Variants in VSTM2B observed in about 807,000 individuals in gnomAD.
VSTM2B encodes the protein V-set and transmembrane domain containing 2B.
In VSTM2B, 24 loss-of-function variants were observed where a neutral mutation model predicts 24.0. That is an observed-to-expected ratio of 1.00 (90% CI 0.72 to 1.40). VSTM2B has a LOEUF of 1.40. Ranked by LOEUF, VSTM2B falls within the 40% of genes most tolerant of loss-of-function variation. The probability of loss-of-function intolerance (pLI) is 0.00; values close to 1 mark genes in which losing one functional copy is unlikely to be tolerated. For missense variants in VSTM2B, 399 were observed against 416.4 expected, an observed-to-expected ratio of 0.96 and a Z score of 0.36; for synonymous variants, 226 against 194.4, an observed-to-expected ratio of 1.16 and a Z score of -1.35.
At chr19:29,529,748 G>A (rs1969683586) in intron 3 of VSTM2B, 71 bp from the exon 4 acceptor site, 3 of 1,444,304 alleles carry the variant, frequency 2.1e-6, no homozygotes, top group Admixed American at 2.2e-5. Flanking sequence ...GAGGGGGCGC[G>A]ACGGCCAGGG....
At chr19:29,527,851 C>A (rs73029454) in intron 2 of VSTM2B, among the ~76,000 whole-genome samples, 6,652 of 152,256 alleles carry the variant, frequency 0.044, 192 homozygotes, top group Middle Eastern at 0.078. Flanking sequence ...CCCTCAGGGG[C>A]ACAGAGGGGC....
intron 4 of VSTM2B, among the ~76,000 whole-genome samples, chr19:29,552,779 A>G (rs565949249): frequency 6.6e-6 from 1 of 152,278 alleles, no homozygotes; most frequent in East Asian, 1.9e-4. Flanking sequence ...CCCTGCCAGT[A>G]CTGGGGAGAC....
chr19:29,549,263 T>G (rs1599897294), intron 4 of VSTM2B, among the ~76,000 whole-genome samples: 1 of 152,256 alleles, frequency 6.6e-6, no homozygotes, highest in East Asian at 1.9e-4. Context: ...GAAGACAGCA[T>G]TTTGTAACCA....
At chr19:29,543,652 G>A (rs1342191829) in intron 4 of VSTM2B, among the ~76,000 whole-genome samples, 1 of 152,232 alleles carries the variant, frequency 6.6e-6, no homozygotes, top group Non-Finnish European at 1.5e-5. Context: ...TCCTTGAGCA[G>A]TCATTAATTG....
chr19:29,561,010 G>A (rs1016275644), intron 4 of VSTM2B, among the ~76,000 whole-genome samples: 4 of 152,182 alleles, frequency 2.6e-5, no homozygotes, highest in East Asian at 3.9e-4. Context: ...ATTTGCAGAA[G>A]CCTAAAGATC....
intron 4 of VSTM2B, among the ~76,000 whole-genome samples, chr19:29,538,441 C>T (rs538903625): frequency 1.3e-5 from 2 of 152,302 alleles, no homozygotes; most frequent in South Asian, 2.1e-4. Flanking sequence ...CATCCAGGAT[C>T]GCTTACTAAG....
intron 3 of VSTM2B, among the ~76,000 whole-genome samples, chr19:29,528,722 C>T (rs1260690259): frequency 1.3e-5 from 2 of 152,232 alleles, no homozygotes; most frequent in African/African-American, 4.8e-5. Context: ...CTGTAAAACT[C>T]CCCTTGGTCG....
chr19:29,563,818 A>T, intron 4 of VSTM2B, 28 bp from the exon 5 acceptor site: 1 of 1,547,056 alleles, frequency 6.5e-7, no homozygotes, highest in East Asian at 2.4e-5. Flanking sequence ...TCAGGTGTTA[A>T]CCTTGCCTGT....
intron 1 of VSTM2B, 38 bp from the exon 2 acceptor site, chr19:29,527,173 A>G (rs1165739259): frequency 6.6e-7 from 1 of 1,526,174 alleles, no homozygotes; most frequent in Admixed American, 2.0e-5. Flanking sequence ...CCCCCGACCT[A>G]CAGCTGGTCA....
At chr19:29,543,065 T>C (rs1599889362) in intron 4 of VSTM2B, among the ~76,000 whole-genome samples, 1 of 152,296 alleles carries the variant, frequency 6.6e-6, no homozygotes, top group East Asian at 1.9e-4. Flanking sequence ...CTCCCTCTGC[T>C]GGGCACTGGG....
At chr19:29,558,590 C>T (rs981156331) in intron 4 of VSTM2B, among the ~76,000 whole-genome samples, 1 of 152,108 alleles carries the variant, frequency 6.6e-6, no homozygotes, top group Non-Finnish European at 1.5e-5. Flanking sequence ...AGCCATTATC[C>T]TCAGGAAACT....
chr19:29,551,235 T>C (rs1970278778), intron 4 of VSTM2B, among the ~76,000 whole-genome samples: 1 of 152,114 alleles, frequency 6.6e-6, no homozygotes, highest in African/African-American at 2.4e-5. Context: ...CCAACCCTTC[T>C]CCCCACTCTC....
Position 29,526,763 on chromosome 19 carries a change from G to C in VSTM2B, c.82+98G>C. The C allele has an allele frequency of 1.7e-6, 2 of 1,151,674 alleles. No individual in the cohort carries two copies. The highest frequency in any genetic ancestry group is 2.4e-6 in the Non-Finnish European group (2 of 821,470). 71.3% of individuals were successfully genotyped at this position (1,151,674 alleles called of 1,614,324 possible). A position where few individuals can be genotyped will look rare whatever the true frequency, so the allele number is the denominator to read the frequency against. ...GAAAGAGAACGAACCGGGAAGCTTCGCGGTCTCCAGCAATCCCGCTGTGCA... is the reference window on the plus strand; with the variant it reads ...GAAAGAGAACGAACCGGGAAGCTTCCCGGTCTCCAGCAATCCCGCTGTGCA... On this transcript the variant is annotated intron_variant, in intron 1 of 4. Transcript: ENST00000335523. The surrounding 1 kb of genome is among the most constrained non-coding windows in gnomAD (Gnocchi z 4.1).
intron 1 of VSTM2B, 153 bp from the exon 2 acceptor site, chr19:29,527,058 G>A (rs1009127182): frequency 1.5e-6 from 1 of 675,332 alleles, no homozygotes; most frequent in Non-Finnish European, 2.4e-6. Context: ...CCGCTTCCCC[G>A]AACTTTGCTA....
intron 4 of VSTM2B, among the ~76,000 whole-genome samples, chr19:29,538,355 C>T (rs1969942472): frequency 6.6e-6 from 1 of 152,150 alleles, no homozygotes; most frequent in African/African-American, 2.4e-5. Flanking sequence ...TAGCTTAACA[C>T]AGGGCCTGGC....
chr19:29,551,468 G>A (rs1269823815), intron 4 of VSTM2B, among the ~76,000 whole-genome samples: 1 of 151,552 alleles, frequency 6.6e-6, no homozygotes, highest in Non-Finnish European at 1.5e-5. Context: ...GGGGTGGGGG[G>A]CAGGGGGAAG....
At chr19:29,556,237 C>T (rs28747978) in intron 4 of VSTM2B, among the ~76,000 whole-genome samples, 8,584 of 151,936 alleles carry the variant, frequency 0.056, 432 homozygotes, top group African/African-American at 0.13. Context: ...CAGCTTCAGT[C>T]CTGGGATGCA....
intron 4 of VSTM2B, among the ~76,000 whole-genome samples, chr19:29,561,538 T>C (rs1481845724): frequency 1.3e-5 from 2 of 152,080 alleles, no homozygotes; most frequent in African/African-American, 4.8e-5. Flanking sequence ...GGCAGGAGAA[T>C]TGCTTGAACC....
At chr19:29,536,119 T>C (rs1189446879) in intron 4 of VSTM2B, among the ~76,000 whole-genome samples, 1 of 152,108 alleles carries the variant, frequency 6.6e-6, no homozygotes, top group Non-Finnish European at 1.5e-5. Flanking sequence ...CGACATGGCA[T>C]CCTCTCCCCC....
Sources: gnomAD v4.1 joint callset for allele counts (sites outside exome capture counted in the v4.1 genomes callset) on GRCh38, gnomAD v4.1.1 for gene constraint, Gnocchi (gnomAD v3.1) non-coding constraint, MANE v1.5 for transcripts, NCBI Gene and HGNC (gene_info 2026-07-23, HGNC 2026-07-21) for gene names.